GPR39: variants seen among roughly 807,000 people sequenced by gnomAD.
The protein encoded by GPR39 is G protein-coupled receptor 39.
Under a neutral mutation model 18.4 loss-of-function variants are expected in GPR39, and 23 were observed. The observed-to-expected ratio is 1.25, with a 90% confidence interval of 0.90 to 1.77. The LOEUF (loss-of-function observed/expected upper bound fraction) is 1.77, where lower values mean the gene tolerates loss of function less well. GPR39 is among the 40% of genes most tolerant of loss of function. The pLI is 0.00. For synonymous variants in GPR39, 280 were observed against 257.9 expected (o/e 1.09, Z -0.82); for missense variants, 647 against 602.4 (o/e 1.07, Z -0.78).
At position 132,428,379 on chromosome 2, in the gene GPR39, T is replaced by C. The variant is rs536657876; in HGVS notation, c.856+10481T>C. Among the ~76,000 whole-genome samples the C allele has an allele frequency of 4.6e-5, 7 of 152,344 alleles. No individual in the cohort carries two copies. In the South Asian group the frequency reaches 1.4e-3, roughly 32 times the overall value. On this transcript the variant is annotated intron_variant, in intron 1 of 1. Transcript: ENST00000329321. ...TACTTGTCTCATTGGGACATCAAAGTATAAGGGCAGAGCCTTGTAGAAGCC... is the reference window on the plus strand; with the variant it reads ...TACTTGTCTCATTGGGACATCAAAGCATAAGGGCAGAGCCTTGTAGAAGCC...
intron 1 of GPR39, among the ~76,000 whole-genome samples, chr2:132,640,696 C>T (rs1415723609): frequency 6.6e-6 from 1 of 152,154 alleles, no homozygotes; most frequent in Non-Finnish European, 1.5e-5. Context: ...TTAGTCAAAT[C>T]TTTAATACAC....
chr2:132,417,513 C>T lies in GPR39; in HGVS notation c.471C>T (p.Gly157=), dbSNP rs368265723. 2.5e-6 allele frequency: 4 copies of T among 1,614,052 alleles called. No individual in the cohort carries two copies. The highest frequency in any genetic ancestry group is 3.4e-6 in the Non-Finnish European group (4 of 1,180,038). ...SGPCQVKLLI[G]FVWVTSALVA... is the part of the protein sequence containing the mutation. ...CTTGCCAGGTGAAGCTGCTGATTGG[C>T]TTCGTCTGGGTCACCTCCGCCCTGG... is the stretch of plus-strand genomic sequence containing the variant. Residue 157 remains glycine, a synonymous_variant, in exon 1 of 2, where the codon GGC becomes GGT. Coordinates refer to ENST00000329321, the MANE Select transcript of GPR39 (RefSeq NM_001508.3).
intron 1 of GPR39, chr2:132,644,831 A>G (rs1013633218): frequency 4.8e-6 from 2 of 418,412 alleles, no homozygotes; most frequent in African/African-American, 4.1e-5. Context: ...TTTAAAATTA[A>G]CAGACATCAA....
chr2:132,566,966 C>G (rs974256907), intron 1 of GPR39, among the ~76,000 whole-genome samples: 1 of 152,202 alleles, frequency 6.6e-6, no homozygotes, highest in Admixed American at 6.5e-5. Flanking sequence ...TCCTTGCTGG[C>G]TGCTGTGGTT....
At chr2:132,552,268 C>T (rs1252703358) in intron 1 of GPR39, among the ~76,000 whole-genome samples, 4 of 152,182 alleles carry the variant, frequency 2.6e-5, no homozygotes, top group Admixed American at 6.5e-5. Context: ...GGGACCTGGT[C>T]GGAGGTGTTT....
At chr2:132,474,722 C>T (rs753878440) in intron 1 of GPR39, among the ~76,000 whole-genome samples, 14 of 152,194 alleles carry the variant, frequency 9.2e-5, no homozygotes, top group Non-Finnish European at 1.6e-4. Context: ...ATTATGCTAA[C>T]GATGTTAAGG....
In GPR39 at chr2:132,644,852, T is replaced by C. The variant is rs141367491; in HGVS notation, c.857-249T>C. ...ATTAACAGACATCAACTGGTATAAA[T>C]ACACTGTCTAAAGCATTTAATGGTC... On this transcript the variant is annotated intron_variant, in intron 1 of 1. Coordinates refer to ENST00000329321, the MANE Select transcript of GPR39 (RefSeq NM_001508.3). 3.0e-3 allele frequency: 1,521 copies of C among 510,836 alleles called. 15 individuals are homozygous for C. Among genetic ancestry groups the C allele is most frequent in the Non-Finnish European group, 1.1e-3 (311 of 291,304 alleles). 31.6% of individuals were successfully genotyped at this position (510,836 alleles called of 1,614,324 possible).
At chr2:132,463,442 T>A (rs1680869140) in intron 1 of GPR39, among the ~76,000 whole-genome samples, 1 of 150,778 alleles carries the variant, frequency 6.6e-6, no homozygotes, top group South Asian at 2.1e-4. Context: ...TTTTTTTTGG[T>A]CTTCTTTAAG....
intron 1 of GPR39, among the ~76,000 whole-genome samples, chr2:132,441,384 C>CTTT (rs56044915): frequency 1.1e-5 from 1 of 92,418 alleles, no homozygotes; most frequent in East Asian, 2.0e-4. Flanking sequence ...TGCATATATG[C>CTTT]TTTTTTTTTT....
chr2:132,514,053 T>G (rs2104761068), intron 1 of GPR39, among the ~76,000 whole-genome samples: 1 of 152,288 alleles, frequency 6.6e-6, no homozygotes, highest in South Asian at 2.1e-4. Flanking sequence ...GATGCCCTGA[T>G]GTCCTGTGGC....
At chr2:132,458,458 T>TTGTGTGTGTGTG (rs57137481) in intron 1 of GPR39, among the ~76,000 whole-genome samples, 74 of 132,208 alleles carry the variant, frequency 5.6e-4, no homozygotes, top group African/African-American at 1.9e-3. Context: ...CTCGGTGTGT[T>TTGTGTGTGTGTG]TGTGTGTGTG....
At chr2:132,614,482 A>G (rs6736500) in intron 1 of GPR39, among the ~76,000 whole-genome samples, 41,347 of 151,928 alleles carry the variant, frequency 0.27, 6,819 homozygotes, top group African/African-American at 0.46. Context: ...CTTGTGATCC[A>G]CATACCTCGG....
chr2:132,513,187 T>A (rs1679270340), intron 1 of GPR39, among the ~76,000 whole-genome samples: 1 of 152,190 alleles, frequency 6.6e-6, no homozygotes. Context: ...AGGCAGAAGT[T>A]GCAAGACTTC....
intron 1 of GPR39, among the ~76,000 whole-genome samples, chr2:132,592,384 G>A (rs1021371812): frequency 9.9e-5 from 15 of 152,230 alleles, no homozygotes; most frequent in African/African-American, 2.9e-4. Flanking sequence ...AAAGTCCTAG[G>A]ATAGGTGCAT....
Position 132,646,108 on chromosome 2 carries a change from G to GAGGGCCGA in GPR39, c.*503_*510dup. On this transcript the variant is annotated 3_prime_UTR_variant, in exon 2 of 2. Transcript: ENST00000329321. The stretch of plus-strand genomic sequence containing the variant: ...GGATGGTGGTGCGGAGCCCTGGCCT[G>GAGGGCCGA]AGGGCCGAGGCAGAACTTCCCCTTT... 1.9e-6 allele frequency: 3 copies of GAGGGCCGA among 1,608,458 alleles called. No homozygotes were observed. The highest frequency in any genetic ancestry group is 2.5e-6 in the Non-Finnish European group (3 of 1,176,966).
chr2:132,575,826 C>A (rs1040828386), intron 1 of GPR39, among the ~76,000 whole-genome samples: 1 of 152,146 alleles, frequency 6.6e-6, no homozygotes, highest in African/African-American at 2.4e-5. Flanking sequence ...AATCCTGACC[C>A]CCAAGGTGAT....
chr2:132,429,424 T>C (rs1680185647), intron 1 of GPR39, among the ~76,000 whole-genome samples: 1 of 152,224 alleles, frequency 6.6e-6, no homozygotes, highest in Admixed American at 6.5e-5. Context: ...GCTTTTTATC[T>C]CTGGGAAATT....
chr2:132,574,669 A>AG (rs1425100739), intron 1 of GPR39, among the ~76,000 whole-genome samples: 1 of 152,218 alleles, frequency 6.6e-6, no homozygotes, highest in African/African-American at 2.4e-5. Context: ...AAGGAGGTGG[A>AG]GGTTGCAGCG....
At chr2:132,627,693 G>A (rs1307443876) in intron 1 of GPR39, among the ~76,000 whole-genome samples, 2 of 152,184 alleles carry the variant, frequency 1.3e-5, no homozygotes, top group Non-Finnish European at 2.9e-5. Context: ...GTGCTGTTTT[G>A]GAAACTGGGT....
Sources: gnomAD v4.1 joint callset for allele counts (sites outside exome capture counted in the v4.1 genomes callset) on GRCh38, gnomAD v4.1.1 for gene constraint, MANE v1.5 for transcripts, NCBI Gene and HGNC (gene_info 2026-07-23, HGNC 2026-07-21) for gene names.